BACE2: variants seen among roughly 807,000 people sequenced by gnomAD.
BACE2 encodes the protein 56 kDa aspartic-like protease.
Under a neutral mutation model 46.2 loss-of-function variants are expected in BACE2, and 17 were observed. The observed-to-expected ratio is 0.37, with a 90% confidence interval of 0.25 to 0.55. The LOEUF is 0.55. Ranked by LOEUF, BACE2 falls within the 20% of genes least tolerant of loss-of-function variation. The pLI, the probability that BACE2 is intolerant of heterozygous loss-of-function variation, is 0.82. For synonymous variants in BACE2, 277 were observed against 295.9 expected (o/e 0.94, Z 0.66); for missense variants, 595 against 698.1 (o/e 0.85, Z 1.66).
intron 1 of BACE2, among the ~76,000 whole-genome samples, chr21:41,196,961 T>A (rs1279426144): frequency 6.6e-6 from 1 of 152,114 alleles, no homozygotes; most frequent in African/African-American, 2.4e-5. Context: ...TGTCTTTTAT[T>A]TTATTTTATC....
At chr21:41,258,256 G>A (rs1410430974) in intron 8 of BACE2, among the ~76,000 whole-genome samples, 3 of 152,192 alleles carry the variant, frequency 2.0e-5, no homozygotes, top group South Asian at 2.1e-4. Flanking sequence ...AAAAAGAATC[G>A]ATGACAATGA....
At chr21:41,240,384 G>A (rs550454804) in intron 3 of BACE2, among the ~76,000 whole-genome samples, 3 of 152,344 alleles carry the variant, frequency 2.0e-5, no homozygotes, top group Admixed American at 6.5e-5. Flanking sequence ...GAGGGATCCC[G>A]AGGCACAGCC....
chr21:41,222,585 G>A (rs1392314633), intron 1 of BACE2, among the ~76,000 whole-genome samples: 2 of 152,246 alleles, frequency 1.3e-5, no homozygotes. Flanking sequence ...AGCAGGCCAT[G>A]TGAGGACTTC....
Position 41,277,663 on chromosome 21 carries a change from A to T in BACE2, c.*2039A>T, listed in dbSNP as rs1222080618. 1 of 152,188 alleles carries T rather than the reference A, an allele frequency of 6.6e-6. No individual in the cohort carries two copies. The highest frequency in any genetic ancestry group is 6.5e-5 in the Admixed American group (1 of 15,278). The allele number at this position is 152,188 out of a possible 1,614,324, so 9.4% of individuals were successfully genotyped here. ...CATGCCCTGATTAGTTTTCCTGCTT[A>T]TTTCTTCATACAGGCATCTTCTGTT... On this transcript the variant is annotated 3_prime_UTR_variant, in exon 9 of 9. Transcript: ENST00000330333.
At chr21:41,189,237 C>A (rs898133181) in intron 1 of BACE2, among the ~76,000 whole-genome samples, 7 of 151,590 alleles carry the variant, frequency 4.6e-5, no homozygotes, top group Non-Finnish European at 8.8e-5. Context: ...TCTTTTCAGT[C>A]TAGAAACTCA....
At chr21:41,189,962 G>A (rs903038035) in intron 1 of BACE2, among the ~76,000 whole-genome samples, 2 of 152,194 alleles carry the variant, frequency 1.3e-5, no homozygotes, top group African/African-American at 4.8e-5. Context: ...TCCAGTACGG[G>A]AGAAAGATGT....
chr21:41,215,604 G>A (rs1343878607), intron 1 of BACE2, among the ~76,000 whole-genome samples: 1 of 152,190 alleles, frequency 6.6e-6, no homozygotes, highest in African/African-American at 2.4e-5. Flanking sequence ...TTTGTTAGTT[G>A]TGATTGTGTT....
chr21:41,195,239 G>C (rs775430004), intron 1 of BACE2, among the ~76,000 whole-genome samples: 1 of 152,232 alleles, frequency 6.6e-6, no homozygotes, highest in Non-Finnish European at 1.5e-5. Flanking sequence ...GATATTTACT[G>C]TCTGGCCCTA....
At chr21:41,218,618 A>C (rs1480246574) in intron 1 of BACE2, among the ~76,000 whole-genome samples, 1 of 152,194 alleles carries the variant, frequency 6.6e-6, no homozygotes, top group African/African-American at 2.4e-5. Context: ...AGTGTAACCT[A>C]TGGAGAGGTT....
chr21:41,232,541 A>G (rs1986995421), intron 2 of BACE2, among the ~76,000 whole-genome samples: 1 of 152,180 alleles, frequency 6.6e-6, no homozygotes, highest in African/African-American at 2.4e-5. Context: ...TCATGGGGAC[A>G]GATCCCTCAT....
In BACE2 at chr21:41,281,898, G is replaced by A. The variant is rs2088552799; in HGVS notation, c.*6274G>A. ...TGTAGCAGTTACTCAGCACATATGAGAGGGCAGCGAATGAATGAGATTTGT... is the reference window on the plus strand; with the variant it reads ...TGTAGCAGTTACTCAGCACATATGAAAGGGCAGCGAATGAATGAGATTTGT... On this transcript the variant is annotated 3_prime_UTR_variant, in exon 9 of 9. Coordinates refer to ENST00000330333, the MANE Select transcript of BACE2 (RefSeq NM_012105.5). 6.6e-6 allele frequency: 1 copy of A among 152,184 alleles called. No homozygotes were observed. Among genetic ancestry groups the A allele is most frequent in the African/African-American group, 2.4e-5 (1 of 41,438 alleles). The allele number at this position is 152,184 out of a possible 1,614,324, so 9.4% of individuals were successfully genotyped here.
rs1461523953 is a variant in BACE2 at position 41,232,925 on chromosome 21, G to A, written c.402-4588G>A. Among the ~76,000 whole-genome samples, 14 of 148,342 alleles carry A rather than the reference G, an allele frequency of 9.4e-5. No individual in the cohort carries two copies. In the Admixed American group the frequency reaches 9.5e-4, roughly 10 times the overall value. On this transcript the variant is annotated intron_variant, in intron 2 of 8. Transcript: ENST00000330333. ...GCTCTGTTGCCCAGGCTGGAGTGCA[G>A]TGGCACGATATCGGCTCACTGCAAG...
chr21:41,239,513 G>A (rs1051044452), intron 3 of BACE2, among the ~76,000 whole-genome samples: 1 of 152,162 alleles, frequency 6.6e-6, no homozygotes, highest in Admixed American at 6.5e-5. Context: ...AAGTAGCTGG[G>A]ACCACAGGCA....
At chr21:41,183,039 A>G (rs1220456984) in intron 1 of BACE2, 1 of 166,782 alleles carries the variant, frequency 6.0e-6, no homozygotes, top group Non-Finnish European at 1.5e-5. Context: ...CTAGGAAGGA[A>G]GAAGTCATGA....
intron 1 of BACE2, among the ~76,000 whole-genome samples, chr21:41,220,088 G>T (rs560175175): frequency 6.6e-6 from 1 of 152,200 alleles, no homozygotes; most frequent in African/African-American, 2.4e-5. Flanking sequence ...TGATTAATTT[G>T]CTAGATTTAC....
At chr21:41,184,750 G>C (rs948654803) in intron 1 of BACE2, 1 of 167,062 alleles carries the variant, frequency 6.0e-6, no homozygotes, top group Admixed American at 6.5e-5. Context: ...ACTCTGGGGA[G>C]GCTTATGAAC....
intron 1 of BACE2, chr21:41,184,981 T>C (rs1985319199): frequency 6.0e-6 from 1 of 167,074 alleles, no homozygotes; most frequent in Non-Finnish European, 1.5e-5. Context: ...TTAACCCAAA[T>C]GGTGTTGCAA....
intron 1 of BACE2, among the ~76,000 whole-genome samples, chr21:41,170,677 C>T (rs535082915): frequency 1.3e-5 from 2 of 152,290 alleles, no homozygotes; most frequent in South Asian, 4.1e-4. Context: ...CTTTCCTGCT[C>T]TATTAATGGC....
intron 1 of BACE2, among the ~76,000 whole-genome samples, chr21:41,201,341 A>G (rs1479489890): frequency 6.6e-6 from 1 of 152,266 alleles, no homozygotes; most frequent in Non-Finnish European, 1.5e-5. Context: ...TCACAAATCA[A>G]GACACATCCC....
Sources: gnomAD v4.1 joint callset for allele counts (sites outside exome capture counted in the v4.1 genomes callset) on GRCh38, gnomAD v4.1.1 for gene constraint, MANE v1.5 for transcripts, NCBI Gene and HGNC (gene_info 2026-07-23, HGNC 2026-07-21) for gene names.